Variants in CYRIA observed in about 807,000 individuals in gnomAD.
The protein encoded by CYRIA is CYFIP related Rac1 interactor A.
CYRIA carries 15 observed loss-of-function variants against 43.9 expected under a neutral mutation model. That is an observed-to-expected ratio of 0.34 (90% CI 0.23 to 0.53). The LOEUF (loss-of-function observed/expected upper bound fraction) is 0.53, where lower values mean the gene tolerates loss of function less well. Ranked by LOEUF, CYRIA falls within the 20% of genes least tolerant of loss-of-function variation. The pLI is 0.94. For missense variants in CYRIA, 236 were observed against 394.2 expected (o/e 0.60, Z 3.40); for synonymous variants, 117 against 136.0 (o/e 0.86, Z 0.97).
chr2:16,591,018 G>A (rs1667912941), intron 2 of CYRIA, among the ~76,000 whole-genome samples: 1 of 151,988 alleles, frequency 6.6e-6, no homozygotes, highest in African/African-American at 2.4e-5. Flanking sequence ...ACTTGGAAAG[G>A]CCTCTCATCC....
intron 1 of CYRIA, among the ~76,000 whole-genome samples, chr2:16,632,453 T>C (rs888599253): frequency 6.7e-6 from 1 of 149,394 alleles, no homozygotes; most frequent in Non-Finnish European, 1.5e-5. Flanking sequence ...AGGGGAGTCA[T>C]TACACACTCA....
rs940364123 is a variant in CYRIA, at chr2:16,634,967, G to A, written c.-166-10948C>T. On this transcript the variant is annotated intron_variant, in intron 1 of 11. Coordinates refer to ENST00000381323, the MANE Select transcript of CYRIA (RefSeq NM_030797.4). ...AACCACTGAATGGATCCATAAGATG[G>A]ACACTGGGTTGGGAAGACAAGACTT... 5.3e-5 allele frequency among the ~76,000 whole-genome samples: 8 copies of A among 152,352 alleles called. No individual in the cohort carries two copies. In the East Asian group the frequency reaches 1.3e-3, roughly 26 times the overall value.
chr2:16,573,990 G>C (rs1048975696), intron 3 of CYRIA, among the ~76,000 whole-genome samples: 2 of 152,216 alleles, frequency 1.3e-5, no homozygotes, highest in Non-Finnish European at 2.9e-5. Flanking sequence ...GGTTGGAACA[G>C]TTTGGAGGAC....
intron 10 of CYRIA, among the ~76,000 whole-genome samples, chr2:16,558,210 A>T (rs918152482): frequency 3.3e-5 from 5 of 152,078 alleles, no homozygotes; most frequent in African/African-American, 1.2e-4. Context: ...AAGTGTCAAA[A>T]TTTTTTTCAC....
At chr2:16,591,383 G>A (rs1667924604) in intron 2 of CYRIA, among the ~76,000 whole-genome samples, 1 of 152,108 alleles carries the variant, frequency 6.6e-6, no homozygotes, top group Non-Finnish European at 1.5e-5. Flanking sequence ...TCAATATTTG[G>A]TGTTCAGAAA....
chr2:16,560,168 T>C (rs893883786), intron 9 of CYRIA, among the ~76,000 whole-genome samples: 2 of 152,160 alleles, frequency 1.3e-5, no homozygotes, highest in African/African-American at 2.4e-5. Flanking sequence ...TTCTAGAGGC[T>C]TTTTTCCTAG....
chr2:16,627,224 T>G (rs1261801525), intron 1 of CYRIA, among the ~76,000 whole-genome samples: 1 of 152,080 alleles, frequency 6.6e-6, no homozygotes, highest in South Asian at 2.1e-4. Context: ...CAATATCCAC[T>G]ACGGGAGGCC....
intron 1 of CYRIA, among the ~76,000 whole-genome samples, chr2:16,638,342 G>C (rs1449813359): frequency 6.6e-6 from 1 of 152,224 alleles, no homozygotes; most frequent in Non-Finnish European, 1.5e-5. Context: ...CAGTGTGGCA[G>C]TTGCACAGGC....
intron 2 of CYRIA, among the ~76,000 whole-genome samples, chr2:16,593,716 G>GTTT (rs1668012009): frequency 5.7e-5 from 5 of 87,160 alleles, no homozygotes; most frequent in Middle Eastern, 7.2e-3. Context: ...TTGTGTGTGT[G>GTTT]TGTTTTTTTT....
chr2:16,655,502 A>C (rs1670087628), intron 1 of CYRIA, among the ~76,000 whole-genome samples: 1 of 152,174 alleles, frequency 6.6e-6, no homozygotes, highest in South Asian at 2.1e-4. Context: ...CAGTTTGGTA[A>C]GCAAAACTGC....
intron 1 of CYRIA, among the ~76,000 whole-genome samples, chr2:16,637,135 T>TA (rs11432182): frequency 0.22 from 33,759 of 152,020 alleles, 6,548 homozygotes; most frequent in East Asian, 0.61. Context: ...CTGAGTGAGA[T>TA]AAAGAAATCT....
chr2:16,609,020 A>C (rs892162317), intron 2 of CYRIA, among the ~76,000 whole-genome samples: 5 of 152,192 alleles, frequency 3.3e-5, no homozygotes, highest in African/African-American at 1.2e-4. Context: ...CCAAAAAAAA[A>C]CACAGAGCAT....
chr2:16,644,450 A>G (rs916440326), intron 1 of CYRIA, among the ~76,000 whole-genome samples: 1 of 152,118 alleles, frequency 6.6e-6, no homozygotes, highest in Admixed American at 6.6e-5. Context: ...GCCTCAGGTG[A>G]CCATTTCTCC....
At chr2:16,642,932 C>G in intron 1 of CYRIA, among the ~76,000 whole-genome samples, 1 of 151,652 alleles carries the variant, frequency 6.6e-6, no homozygotes, top group East Asian at 1.9e-4. Flanking sequence ...TCCCATTGAC[C>G]TTTTGACCTT....
At chr2:16,640,566 G>A (rs1398137106) in intron 1 of CYRIA, among the ~76,000 whole-genome samples, 1 of 152,234 alleles carries the variant, frequency 6.6e-6, no homozygotes, top group Non-Finnish European at 1.5e-5. Flanking sequence ...CCATCTGGTT[G>A]CTTGGCCTTT....
At chr2:16,655,584 G>A (rs1485850110) in intron 1 of CYRIA, among the ~76,000 whole-genome samples, 3 of 152,122 alleles carry the variant, frequency 2.0e-5, no homozygotes, top group Admixed American at 2.0e-4. Context: ...AGCCCTGCTT[G>A]GGCTTGACCC....
chr2:16,598,794 G>A (rs1394021855), intron 2 of CYRIA, among the ~76,000 whole-genome samples: 16 of 119,140 alleles, frequency 1.3e-4, no homozygotes, highest in Non-Finnish European at 1.7e-5. Context: ...TTCCTTTGGA[G>A]GAGGAGAGGT....
chr2:16,600,049 C>T (rs1668150092), intron 2 of CYRIA, among the ~76,000 whole-genome samples: 1 of 152,192 alleles, frequency 6.6e-6, no homozygotes, highest in South Asian at 2.1e-4. Flanking sequence ...AGCCATCGTG[C>T]CTGGCCAGAT....
chr2:16,607,659 G>A (rs1668454757), intron 2 of CYRIA, among the ~76,000 whole-genome samples: 1 of 152,036 alleles, frequency 6.6e-6, no homozygotes, highest in African/African-American at 2.4e-5. Flanking sequence ...CACTATCTTG[G>A]CTCACTGCAA....
Sources: gnomAD v4.1 joint callset for allele counts (sites outside exome capture counted in the v4.1 genomes callset) on GRCh38, gnomAD v4.1.1 for gene constraint, MANE v1.5 for transcripts, NCBI Gene and HGNC (gene_info 2026-07-23, HGNC 2026-07-21) for gene names.